The following SCG5 variants were observed in gnomAD, a reference collection of about 807,000 sequenced individuals.
The protein encoded by SCG5 is neuroendocrine protein 7B2.
SCG5 carries 18 observed loss-of-function variants against 25.7 expected under a neutral mutation model. The observed-to-expected ratio is 0.70, with a 90% CI of 0.48 to 1.04. The LOEUF (loss-of-function observed/expected upper bound fraction) is 1.04. Among genes scored for constraint, SCG5 ranks in the 50% least tolerant of loss-of-function variants. The probability of loss-of-function intolerance (pLI) is 0.00; values close to 1 mark genes in which losing one functional copy is unlikely to be tolerated. For missense variants in SCG5, 206 were observed against 259.8 expected, an observed-to-expected ratio of 0.79 and a Z score of 1.42; for synonymous variants, 101 against 91.7, an observed-to-expected ratio of 1.10 and a Z score of -0.58.
chr15:32,652,080 G>T (rs2054040770), intron 2 of SCG5, among the ~76,000 whole-genome samples: 1 of 152,210 alleles, frequency 6.6e-6, no homozygotes, highest in South Asian at 2.1e-4. Flanking sequence ...GAACCAGAAA[G>T]ATAGAGTGTA....
At chr15:32,682,638 T>G (rs1339018143) in intron 3 of SCG5, among the ~76,000 whole-genome samples, 1 of 152,238 alleles carries the variant, frequency 6.6e-6, no homozygotes, top group Non-Finnish European at 1.5e-5. Context: ...CCTTTGCTGT[T>G]CTTCCATGAA....
chr15:32,662,894 C>T (rs11071887), intron 2 of SCG5, among the ~76,000 whole-genome samples: 39,729 of 150,776 alleles, frequency 0.26, 5,322 homozygotes, highest in South Asian at 0.29. Context: ...TGGTCACAAG[C>T]GAGGTGATTG....
chr15:32,688,578 A>T (rs2054768334), intron 4 of SCG5, among the ~76,000 whole-genome samples: 1 of 152,182 alleles, frequency 6.6e-6, no homozygotes, highest in African/African-American at 2.4e-5. Flanking sequence ...CAGCAAGCAC[A>T]TGATGTCAGG....
At chr15:32,696,339 G>A (rs1194658398) in intron 5 of SCG5, among the ~76,000 whole-genome samples, 175 bp from the exon 6 acceptor site, 1 of 152,012 alleles carries the variant, frequency 6.6e-6, no homozygotes, top group Non-Finnish European at 1.5e-5. Context: ...GGATGGTCTC[G>A]ATCTCCTGAC....
intron 2 of SCG5, among the ~76,000 whole-genome samples, chr15:32,663,079 A>ATAT (rs1555434474): frequency 3.0e-5 from 2 of 66,008 alleles, no homozygotes; most frequent in African/African-American, 5.2e-5. Flanking sequence ...ATATATATAT[A>ATAT]ATATATAATA....
intron 2 of SCG5, among the ~76,000 whole-genome samples, chr15:32,653,527 A>T (rs1183017442): frequency 6.6e-6 from 1 of 152,252 alleles, no homozygotes; most frequent in Non-Finnish European, 1.5e-5. Flanking sequence ...AGACAAACAG[A>T]ACCAATAGAA....
At chr15:32,686,273 A>G (rs2054707032) in intron 4 of SCG5, among the ~76,000 whole-genome samples, 1 of 152,264 alleles carries the variant, frequency 6.6e-6, no homozygotes, top group African/African-American at 2.4e-5. Context: ...AGACTGAAAT[A>G]ATAAAAGCCT....
intron 4 of SCG5, among the ~76,000 whole-genome samples, chr15:32,689,190 ATT>A (rs1372739507): frequency 6.6e-6 from 1 of 151,932 alleles, no homozygotes; most frequent in Non-Finnish European, 1.5e-5. Flanking sequence ...CTGCTGTTCT[ATT>A]TATTTATTTA....
At chr15:32,657,214 T>C (rs2054135974) in intron 2 of SCG5, among the ~76,000 whole-genome samples, 1 of 112,266 alleles carries the variant, frequency 8.9e-6, no homozygotes, top group South Asian at 3.2e-4. Flanking sequence ...TATATATATG[T>C]ATGTATTTCC....
intron 2 of SCG5, among the ~76,000 whole-genome samples, chr15:32,660,495 A>T (rs928825985): frequency 2.6e-5 from 4 of 152,220 alleles, no homozygotes; most frequent in African/African-American, 4.8e-5. Flanking sequence ...ATCCAGCACT[A>T]TTCTGATGGA....
chr15:32,666,900 C>T (rs900476661), intron 2 of SCG5, among the ~76,000 whole-genome samples: 2 of 152,196 alleles, frequency 1.3e-5, no homozygotes, highest in Non-Finnish European at 2.9e-5. Flanking sequence ...CTCCTCTATA[C>T]ACCTGCTCTG....
intron 3 of SCG5, 137 bp downstream of exon 3, chr15:32,680,052 G>A (rs1161303995): frequency 1.4e-5 from 11 of 786,374 alleles, no homozygotes; most frequent in Non-Finnish European, 2.2e-5. Context: ...TAAGTAGATG[G>A]GAAGGGGAAA....
In SCG5 at chr15:32,688,762, T is replaced by A. The variant is rs375055541; in HGVS notation, c.490-2948T>A. 1.3e-3 allele frequency among the ~76,000 whole-genome samples: 191 copies of A among 152,056 alleles called. 1 individual carries two copies. The South Asian group carries it at 0.015, about 12-fold the overall frequency. On this transcript the variant is annotated intron_variant, in intron 4 of 5. Coordinates refer to ENST00000300175, the MANE Select transcript of SCG5 (RefSeq NM_001144757.3). ...TCATGAGGTCAGGAGATCGAGACCATCCTGGCTAACACAGTGAAACCCCGT... is the reference window on the plus strand; with the variant it reads ...TCATGAGGTCAGGAGATCGAGACCAACCTGGCTAACACAGTGAAACCCCGT...
At chr15:32,680,944 T>C (rs2054609548) in intron 3 of SCG5, among the ~76,000 whole-genome samples, 1 of 152,200 alleles carries the variant, frequency 6.6e-6, no homozygotes, top group African/African-American at 2.4e-5. Context: ...TGTGTGACCT[T>C]AAACAAGTTA....
intron 5 of SCG5, among the ~76,000 whole-genome samples, chr15:32,693,744 C>T (rs572744791): frequency 1.3e-5 from 2 of 152,294 alleles, no homozygotes; most frequent in South Asian, 2.1e-4. Context: ...TCTCTGTGTG[C>T]CCTACCCAAT....
At chr15:32,650,119 C>T (rs1033502207) in intron 2 of SCG5, among the ~76,000 whole-genome samples, 4 of 152,060 alleles carry the variant, frequency 2.6e-5, no homozygotes, top group South Asian at 2.1e-4. Flanking sequence ...TTTTTTGAGA[C>T]GGAGTCTTGC....
At chr15:32,695,012 T>TTTC (rs1491147371) in intron 5 of SCG5, among the ~76,000 whole-genome samples, 5 of 136 alleles carry the variant, frequency 0.037, no homozygotes, top group African/African-American at 0.071. Flanking sequence ...TCTTTCTTTC[T>TTTC]TTTTTTTTTT....
intron 3 of SCG5, among the ~76,000 whole-genome samples, chr15:32,682,255 C>G (rs182812175): frequency 4.6e-5 from 7 of 152,230 alleles, no homozygotes; most frequent in African/African-American, 1.7e-4. Context: ...GAATTTGTTG[C>G]AACCAGTCCT....
intron 2 of SCG5, chr15:32,672,951 T>TAAC (rs2054462756): frequency 6.8e-6 from 1 of 146,190 alleles, no homozygotes; most frequent in South Asian, 2.2e-4. Flanking sequence ...AGTGACGAAG[T>TAAC]AACGCAGGTC....
Sources: gnomAD v4.1 joint callset for allele counts (sites outside exome capture counted in the v4.1 genomes callset) on GRCh38, gnomAD v4.1.1 for gene constraint, MANE v1.5 for transcripts, NCBI Gene and HGNC (gene_info 2026-07-23, HGNC 2026-07-21) for gene names.